The following MARCHF6 variants were observed in gnomAD, a reference collection of about 807,000 sequenced individuals.
The protein encoded by MARCHF6 is E3 ubiquitin-protein ligase MARCHF6.
In MARCHF6, 31 loss-of-function variants were observed where a neutral mutation model predicts 133.7. That is an observed-to-expected ratio of 0.23 (90% CI 0.17 to 0.31). MARCHF6 has a LOEUF of 0.31. MARCHF6 is among the 10% of genes least tolerant of loss of function. The pLI is 1.00. For synonymous variants in MARCHF6, 395 were observed against 402.5 expected, an observed-to-expected ratio of 0.98 and a Z score of 0.22; for missense variants, 723 against 1,121.6, an observed-to-expected ratio of 0.64 and a Z score of 5.08.
In MARCHF6 at chr5:10,392,756, G is replaced by GAA. The variant is rs558643433; in HGVS notation, c.766+1037_766+1038dup. 1.3e-4 allele frequency among the ~76,000 whole-genome samples: 18 copies of GAA among 135,612 alleles called. No homozygotes were observed. The East Asian group carries it at 3.4e-3, about 25-fold the overall frequency. The allele number at this position is 135,612 out of a possible 152,430, so 89.0% of individuals were successfully genotyped here. On this transcript the variant is annotated intron_variant, in intron 7 of 25. Coordinates refer to ENST00000274140, the MANE Select transcript of MARCHF6 (RefSeq NM_005885.4). ...GTGACACAGCAAGATTCCGTCTCAA[G>GAA]AAAAAAAAAAAAAGATCCAAGACAG...
rs141003038 is a variant in MARCHF6 at position 10,372,169 on chromosome 5, T to C, written c.20-5629T>C. On this transcript the variant is annotated intron_variant, in intron 1 of 25. Transcript: ENST00000274140. ...AAAACATCATTTTGGATTTTGATGT[T>C]TTCTGCTCCATAATGGAGCAGAAAA... Among the ~76,000 whole-genome samples, 200 of 152,250 alleles carry C rather than the reference T, an allele frequency of 1.3e-3. No homozygotes were observed. In the East Asian group the frequency reaches 0.026, roughly 20 times the overall value.
In MARCHF6 at chr5:10,378,742, T is replaced by A; in HGVS notation, c.117-17T>A. 3 of 1,486,740 alleles carry A rather than the reference T, an allele frequency of 2.0e-6. No individual in the cohort carries two copies. The highest frequency in any genetic ancestry group is 2.8e-6 in the Non-Finnish European group (3 of 1,068,120). 92.1% of individuals were successfully genotyped at this position (1,486,740 alleles called of 1,614,324 possible). A position where few individuals can be genotyped will look rare whatever the true frequency, so the allele number is the denominator to read the frequency against. ...TTGCTGTAAACACTGTACTTATGAA[T>A]CTATTTATAATTACAGCTTAGTTCA... On this transcript the variant is annotated splice_polypyrimidine_tract_variant and intron_variant, in intron 2 of 25. Coordinates refer to ENST00000274140, the MANE Select transcript of MARCHF6 (RefSeq NM_005885.4).
intron 1 of MARCHF6, among the ~76,000 whole-genome samples, chr5:10,376,779 G>C (rs765754919): frequency 6.6e-6 from 1 of 152,140 alleles, no homozygotes; most frequent in Non-Finnish European, 1.5e-5. Flanking sequence ...CACTGCTCTC[G>C]GCATGTGCTC....
intron 1 of MARCHF6, among the ~76,000 whole-genome samples, chr5:10,356,903 CTAAT>C (rs1397215036): frequency 2.0e-5 from 3 of 152,044 alleles, no homozygotes; most frequent in Non-Finnish European, 2.9e-5. Context: ...CTGTTTCATA[CTAAT>C]TGTTTGCTAG....
chr5:10,404,068 T>TTTATTTAC (rs1554023543), intron 15 of MARCHF6, among the ~76,000 whole-genome samples: 13 of 139,250 alleles, frequency 9.3e-5, no homozygotes, highest in African/African-American at 3.4e-4. Context: ...TATTTATTTA[T>TTTATTTAC]TTATTTATTT....
At chr5:10,410,332 ACCTTTCTGG>A in intron 18 of MARCHF6, 56 bp downstream of exon 18, 1 of 1,567,612 alleles carries the variant, frequency 6.4e-7, no homozygotes, top group African/African-American at 1.4e-5. Context: ...CTATGGAATA[ACCTTTCTGG>A]AAAAAGTATG....
rs1561159324 is a variant in MARCHF6, at chr5:10,435,657, A to AC, written c.*1973_*1974insC. 6.4e-3 allele frequency: 33 copies of AC among 5,194 alleles called. 1 individual carries two copies. The highest frequency in any genetic ancestry group is 0.016 in the African/African-American group (28 of 1,712). The allele number at this position is 5,194 out of a possible 1,614,324, so 0.3% of individuals were successfully genotyped here. On this transcript the variant is annotated 3_prime_UTR_variant, in exon 26 of 26. Transcript: ENST00000274140. ...TATATAACTATATATATATATATAT[A>AC]TATATATATATATATATATATATAT...
At position 10,436,824 on chromosome 5, in the gene MARCHF6, G is replaced by C. The variant is rs1001439119; in HGVS notation, c.*3140G>C. On this transcript the variant is annotated 3_prime_UTR_variant, in exon 26 of 26. Transcript: ENST00000274140. ...CTTTTTTCCCCCTCTTAGTACTCTGGAGAAACAATGAAGATGGGCCATCTC... is the reference window on the plus strand; with the variant it reads ...CTTTTTTCCCCCTCTTAGTACTCTGCAGAAACAATGAAGATGGGCCATCTC... 6.6e-6 allele frequency: 1 copy of C among 152,074 alleles called. No homozygotes were observed. Among genetic ancestry groups the C allele is most frequent in the Non-Finnish European group, 1.5e-5 (1 of 68,008 alleles). The allele number at this position is 152,074 out of a possible 1,614,324, so 9.4% of individuals were successfully genotyped here.
intron 1 of MARCHF6, among the ~76,000 whole-genome samples, chr5:10,370,092 A>ATTTTTTTT (rs762064486): frequency 3.1e-5 from 2 of 64,960 alleles, no homozygotes; most frequent in Non-Finnish European, 5.0e-5. Context: ...TCTTACTGTG[A>ATTTTTTTT]TTTTTTTTTT....
intron 1 of MARCHF6, 53 bp downstream of exon 1, chr5:10,353,970 A>AC: frequency 6.6e-7 from 1 of 1,517,098 alleles, no homozygotes; most frequent in African/African-American, 1.4e-5. Flanking sequence ...CCGGGTTCGT[A>AC]CCCCGGCCAG....
chr5:10,422,439 A>G (rs1338710099), intron 22 of MARCHF6, among the ~76,000 whole-genome samples: 5 of 152,212 alleles, frequency 3.3e-5, no homozygotes, highest in African/African-American at 1.2e-4. Context: ...GTAATTGGGT[A>G]TATCTTATTA....
intron 22 of MARCHF6, among the ~76,000 whole-genome samples, chr5:10,421,147 A>C (rs1244814498): frequency 6.6e-6 from 1 of 152,222 alleles, no homozygotes; most frequent in Non-Finnish European, 1.5e-5. Context: ...CTTTGGTACT[A>C]TCAAAGTTTA....
chr5:10,356,531 G>C lies in MARCHF6; in HGVS notation c.19+2614G>C, dbSNP rs1043474474. ...CTGTCTCAGCCTCCTGAGTAGCTGG[G>C]ATTACAGGAGCGCGCCACCTCCCTC... On this transcript the variant is annotated intron_variant, in intron 1 of 25. Coordinates refer to ENST00000274140, the MANE Select transcript of MARCHF6 (RefSeq NM_005885.4). Among the ~76,000 whole-genome samples, 3 of 151,960 alleles carry C rather than the reference G, an allele frequency of 2.0e-5. No individual in the cohort carries two copies. In the South Asian group the frequency reaches 6.2e-4, roughly 32 times the overall value.
chr5:10,392,042 T>C (rs1251876740), intron 7 of MARCHF6, among the ~76,000 whole-genome samples: 1 of 150,454 alleles, frequency 6.6e-6, no homozygotes, highest in Non-Finnish European at 1.5e-5. Context: ...CACTGCAAGC[T>C]CCGCCTCCTG....
At chr5:10,394,699 A>T in intron 8 of MARCHF6, 54 bp from the exon 9 acceptor site, 1 of 1,404,054 alleles carries the variant, frequency 7.1e-7, no homozygotes, top group Non-Finnish European at 1.0e-6. Flanking sequence ...ATAAATTAGA[A>T]TAGAAAGTTC....
intron 21 of MARCHF6, 120 bp from the exon 22 acceptor site, chr5:10,417,150 G>C: frequency 8.7e-7 from 1 of 1,148,008 alleles, no homozygotes; most frequent in East Asian, 2.4e-5. Flanking sequence ...ACCAGTCCCC[G>C]TGGATACTGA....
intron 7 of MARCHF6, 135 bp from the exon 8 acceptor site, chr5:10,393,947 A>T (rs1254380968): frequency 2.5e-6 from 1 of 394,542 alleles, no homozygotes; most frequent in Non-Finnish European, 4.6e-6. Context: ...GCAAATACTC[A>T]GTATGGAAAT....
Position 10,434,474 on chromosome 5 carries a change from C to A in MARCHF6, c.*790C>A. On this transcript the variant is annotated 3_prime_UTR_variant, in exon 26 of 26. Transcript: ENST00000274140. ...AGTCCAAATGAAGATTTTCATGAGT[C>A]AGCCCCCCCGCCCGCCCCCACCCCA... is the stretch of plus-strand genomic sequence containing the variant. The A allele has an allele frequency of 6.8e-6, 1 of 148,086 alleles. No individual in the cohort carries two copies. The highest frequency in any genetic ancestry group is 2.2e-4 in the South Asian group (1 of 4,544). 9.2% of individuals were successfully genotyped at this position (148,086 alleles called of 1,614,324 possible). A position where few individuals can be genotyped will look rare whatever the true frequency, so the allele number is the denominator to read the frequency against.
intron 1 of MARCHF6, among the ~76,000 whole-genome samples, chr5:10,373,289 T>G (rs1185456249): frequency 6.6e-6 from 1 of 152,102 alleles, no homozygotes; most frequent in East Asian, 1.9e-4. Context: ...AGTGCCCTAA[T>G]TCATGTGTGT....
Sources: gnomAD v4.1 joint callset for allele counts (sites outside exome capture counted in the v4.1 genomes callset) on GRCh38, gnomAD v4.1.1 for gene constraint, MANE v1.5 for transcripts, NCBI Gene and HGNC (gene_info 2026-07-23, HGNC 2026-07-21) for gene names.